HS3ST4: variants seen among roughly 807,000 people sequenced by gnomAD.
The protein encoded by HS3ST4 is heparan sulfate glucosamine 3-O-sulfotransferase 4.
A neutral mutation model predicts 29.2 loss-of-function variants in HS3ST4; 17 were observed. The ratio of observed to expected loss-of-function variants is 0.58; its 90% CI spans 0.40 to 0.87. HS3ST4 has a LOEUF of 0.87. HS3ST4 is among the 40% of genes least tolerant of loss of function. HS3ST4 has a pLI of 0.00. For missense variants in HS3ST4, 627 were observed against 634.5 expected (o/e 0.99, Z 0.13); for synonymous variants, 314 against 285.7 (o/e 1.10, Z -1.00).
intron 1 of HS3ST4, among the ~76,000 whole-genome samples, chr16:25,974,897 T>C (rs1170240927): frequency 1.3e-5 from 2 of 152,106 alleles, no homozygotes; most frequent in Non-Finnish European, 2.9e-5. Flanking sequence ...TTGGACTTAG[T>C]GTATGCAAGC....
intron 1 of HS3ST4, among the ~76,000 whole-genome samples, chr16:25,802,934 T>C (rs1201464738): frequency 2.7e-4 from 4 of 14,800 alleles, no homozygotes; most frequent in Admixed American, 2.5e-3. Context: ...TATATGTGTG[T>C]GTGTGTGTGT....
At chr16:25,831,702 C>G (rs1967302925) in intron 1 of HS3ST4, among the ~76,000 whole-genome samples, 1 of 152,142 alleles carries the variant, frequency 6.6e-6, no homozygotes, top group Non-Finnish European at 1.5e-5. Flanking sequence ...GCCCATTGTT[C>G]TAATGATGAA....
intron 1 of HS3ST4, among the ~76,000 whole-genome samples, chr16:25,856,268 G>T (rs1596592297): frequency 6.6e-6 from 1 of 151,990 alleles, no homozygotes; most frequent in African/African-American, 2.4e-5. Flanking sequence ...CCAGGCAGGG[G>T]GCTCCTAGAT....
intron 1 of HS3ST4, among the ~76,000 whole-genome samples, chr16:25,729,682 T>C (rs543459673): frequency 1.3e-5 from 2 of 152,364 alleles, no homozygotes; most frequent in Admixed American, 1.3e-4. Context: ...TGAGTTATTA[T>C]ATCTTGCACT....
intron 1 of HS3ST4, among the ~76,000 whole-genome samples, chr16:25,760,887 G>C (rs1334936992): frequency 1.3e-5 from 2 of 152,194 alleles, no homozygotes; most frequent in African/African-American, 4.8e-5. Flanking sequence ...GATATTCTAA[G>C]GAAGTGGAGC....
intron 1 of HS3ST4, among the ~76,000 whole-genome samples, chr16:25,773,821 C>T (rs76050553): frequency 1.2e-3 from 179 of 152,310 alleles, no homozygotes; most frequent in African/African-American, 4.1e-3. Context: ...TTCTGAGTCT[C>T]CCGTGTCGAT....
chr16:26,110,499 G>A (rs1436747853), intron 1 of HS3ST4, among the ~76,000 whole-genome samples: 1 of 152,144 alleles, frequency 6.6e-6, no homozygotes, highest in East Asian at 1.9e-4. Flanking sequence ...CAGTTTCTCA[G>A]GCCTGATACC....
At chr16:26,124,636 A>G (rs1036938831) in intron 1 of HS3ST4, among the ~76,000 whole-genome samples, 1 of 152,194 alleles carries the variant, frequency 6.6e-6, no homozygotes, top group African/African-American at 2.4e-5. Flanking sequence ...TGTGACCCCT[A>G]CACACTCTTC....
At chr16:25,859,257 A>T (rs8051140) in intron 1 of HS3ST4, among the ~76,000 whole-genome samples, 23,392 of 152,134 alleles carry the variant, frequency 0.15, 1,895 homozygotes, top group East Asian at 0.26. Context: ...TCTGAAGCAG[A>T]CAGCAGCAAA....
intron 1 of HS3ST4, among the ~76,000 whole-genome samples, chr16:25,809,302 T>C (rs1372980558): frequency 6.6e-6 from 1 of 152,216 alleles, no homozygotes; most frequent in African/African-American, 2.4e-5. Context: ...ATGGTTTTGA[T>C]GCATCATTTT....
At chr16:25,911,978 T>TC (rs1197769301) in intron 1 of HS3ST4, among the ~76,000 whole-genome samples, 1 of 151,754 alleles carries the variant, frequency 6.6e-6, no homozygotes, top group East Asian at 1.9e-4. Flanking sequence ...AAAGATGGGG[T>TC]TTGGGTAAAG....
intron 1 of HS3ST4, chr16:26,029,145 C>T (rs778043598): frequency 6.6e-6 from 1 of 152,216 alleles, no homozygotes; most frequent in Non-Finnish European, 1.5e-5. Flanking sequence ...TTCTTTACCA[C>T]AGAGTTTTTG....
At chr16:26,118,950 A>G (rs1314107333) in intron 1 of HS3ST4, among the ~76,000 whole-genome samples, 1 of 152,250 alleles carries the variant, frequency 6.6e-6, no homozygotes, top group Non-Finnish European at 1.5e-5. Flanking sequence ...TAATAGCAAC[A>G]ATAACAACAA....
chr16:25,817,080 A>G (rs9934622), intron 1 of HS3ST4, among the ~76,000 whole-genome samples: 43,915 of 152,146 alleles, frequency 0.29, 6,710 homozygotes, highest in African/African-American at 0.36. Context: ...GCTGCATTGC[A>G]TTTCAAAGCT....
rs199515233 is a variant in HS3ST4, at chr16:25,756,150, A to G, written c.734+62999A>G. Among the ~76,000 whole-genome samples, 586 of 83,858 alleles carry G rather than the reference A, an allele frequency of 7.0e-3. 5 individuals are homozygous for G. Among genetic ancestry groups the G allele is most frequent in the African/African-American group, 0.027 (565 of 21,314 alleles). 55.0% of individuals were successfully genotyped at this position (83,858 alleles called of 152,430 possible). On this transcript the variant is annotated intron_variant, in intron 1 of 1. Transcript: ENST00000331351. ...CATACACACACACACACACACACAC[A>G]CACGCACACACACACACACACACAC...
At chr16:25,785,829 G>A (rs1210677681) in intron 1 of HS3ST4, among the ~76,000 whole-genome samples, 1 of 152,170 alleles carries the variant, frequency 6.6e-6, no homozygotes, top group African/African-American at 2.4e-5. Context: ...CGGGAGAGGG[G>A]TGGTAATGGG....
At chr16:25,876,862 C>G (rs1464065303) in intron 1 of HS3ST4, among the ~76,000 whole-genome samples, 1 of 152,080 alleles carries the variant, frequency 6.6e-6, no homozygotes, top group Admixed American at 6.6e-5. Flanking sequence ...AACCTCTGTG[C>G]TTCCATAGCT....
chr16:26,067,944 G>T (rs1596669710), intron 1 of HS3ST4, among the ~76,000 whole-genome samples: 1 of 152,130 alleles, frequency 6.6e-6, no homozygotes. Flanking sequence ...TGATTGTGAG[G>T]CCGTCCCAGC....
intron 1 of HS3ST4, among the ~76,000 whole-genome samples, chr16:26,121,514 T>C (rs1596689050): frequency 6.6e-6 from 1 of 151,984 alleles, no homozygotes; most frequent in African/African-American, 2.4e-5. Context: ...CATAGAAGGG[T>C]GACAGAATAA....
Sources: gnomAD v4.1 joint callset for allele counts (sites outside exome capture counted in the v4.1 genomes callset) on GRCh38, gnomAD v4.1.1 for gene constraint, MANE v1.5 for transcripts, NCBI Gene and HGNC (gene_info 2026-07-23, HGNC 2026-07-21) for gene names.